SLAMF9: variants seen among roughly 807,000 people sequenced by gnomAD.
SLAMF9 encodes the protein CD2 family member 10.
In SLAMF9, 25 loss-of-function variants were observed where a neutral mutation model predicts 30.4. The observed-to-expected ratio is 0.82, with a 90% confidence interval of 0.60 to 1.15. SLAMF9 has a LOEUF of 1.15. Among genes scored for constraint, SLAMF9 ranks in the 50% most tolerant of loss-of-function variants. The pLI is 0.00. For synonymous variants in SLAMF9, 129 were observed against 127.2 expected (o/e 1.01, Z -0.09); for missense variants, 344 against 346.1 (o/e 0.99, Z 0.05).
At chr1:159,966,202 A>G in the SLAMF9 span, among the ~76,000 whole-genome samples, 8 of 152,296 alleles carry the variant, frequency 5.3e-5, no homozygotes, top group East Asian at 1.5e-3. Flanking sequence ...AAGATCATGC[A>G]GTATTTACCT....
chr1:159,962,905 A>G, the SLAMF9 span, among the ~76,000 whole-genome samples: 1 of 152,180 alleles, frequency 6.6e-6, no homozygotes, highest in East Asian at 1.9e-4. Flanking sequence ...AGGATAAGTT[A>G]TGGTTACCCT....
upstream of SLAMF9, among the ~76,000 whole-genome samples, chr1:159,956,718 A>G (rs12740563): frequency 0.024 from 3,642 of 152,276 alleles, 65 homozygotes; most frequent in South Asian, 0.065. Flanking sequence ...AGGAAATGCT[A>G]CCATTTACAA....
chr1:159,964,310 A>G, the SLAMF9 span, among the ~76,000 whole-genome samples: 2 of 152,126 alleles, frequency 1.3e-5, no homozygotes, highest in African/African-American at 4.8e-5. Flanking sequence ...CCCTAAGTAA[A>G]GCCATGAAAC....
the SLAMF9 span, among the ~76,000 whole-genome samples, chr1:159,960,139 A>G: frequency 6.7e-6 from 1 of 149,244 alleles, no homozygotes; most frequent in Middle Eastern, 3.5e-3. Context: ...AGCATTAGGT[A>G]TATCTCCTAA....
the SLAMF9 span, among the ~76,000 whole-genome samples, chr1:159,981,652 T>G: frequency 6.6e-6 from 1 of 152,348 alleles, no homozygotes; most frequent in East Asian, 1.9e-4. Flanking sequence ...TCAGGGAGTG[T>G]GCTCAGGTCT....
At chr1:159,957,849 A>G (rs1016766374), upstream of SLAMF9, among the ~76,000 whole-genome samples, 3 of 133,428 alleles carry the variant, frequency 2.2e-5, no homozygotes, top group South Asian at 2.7e-4. Flanking sequence ...CATGAGTATA[A>G]TGCTCAGAGC....
chr1:159,964,619 A>C, the SLAMF9 span, among the ~76,000 whole-genome samples: 6 of 152,370 alleles, frequency 3.9e-5, no homozygotes, highest in African/African-American at 1.4e-4. Flanking sequence ...AACAAACAGC[A>C]AACAAAAACC....
At chr1:159,960,261 C>T in the SLAMF9 span, among the ~76,000 whole-genome samples, 5 of 145,220 alleles carry the variant, frequency 3.4e-5, no homozygotes, top group African/African-American at 1.0e-4. Flanking sequence ...TGAGAACAGG[C>T]GGTGTTTGGT....
chr1:159,972,876 C>T, the SLAMF9 span: 24 of 986,710 alleles, frequency 2.4e-5, no homozygotes, highest in East Asian at 6.0e-4. Flanking sequence ...TCAGCCTGAC[C>T]ACCCAAGACC....
At chr1:159,974,170 G>C in the SLAMF9 span, 2 of 779,420 alleles carry the variant, frequency 2.6e-6, no homozygotes, top group East Asian at 5.0e-5. Flanking sequence ...GAGGCCCTTG[G>C]ATGGTACCGG....
At chr1:159,973,886 G>C in the SLAMF9 span, 1 of 1,612,150 alleles carries the variant, frequency 6.2e-7, no homozygotes, top group Non-Finnish European at 8.5e-7. Flanking sequence ...ACTGGCCACG[G>C]CTCTGCATTG....
chr1:159,967,749 C>T, the SLAMF9 span, among the ~76,000 whole-genome samples: 20 of 152,160 alleles, frequency 1.3e-4, no homozygotes, highest in African/African-American at 3.9e-4. Context: ...AATATCTTGC[C>T]GTTTATGTGT....
At chr1:159,964,931 G>C in the SLAMF9 span, among the ~76,000 whole-genome samples, 1 of 152,164 alleles carries the variant, frequency 6.6e-6, no homozygotes, top group Non-Finnish European at 1.5e-5. Context: ...CCACCCAGAC[G>C]GGTCTGCACA....
intron 2 of SLAMF9, among the ~76,000 whole-genome samples, chr1:159,952,809 C>T (rs1427058756): frequency 1.3e-5 from 2 of 152,224 alleles, no homozygotes; most frequent in African/African-American, 4.8e-5. Flanking sequence ...CTCCAAACCC[C>T]ATTCTGTCTC....
chr1:159,964,167 C>G, the SLAMF9 span, among the ~76,000 whole-genome samples: 1 of 152,158 alleles, frequency 6.6e-6, no homozygotes, highest in African/African-American at 2.4e-5. Context: ...TTATCAAGGT[C>G]CCCCAGTGAT....
At chr1:159,976,661 T>C in the SLAMF9 span, 1 of 152,112 alleles carries the variant, frequency 6.6e-6, no homozygotes, top group Non-Finnish European at 1.5e-5. Flanking sequence ...AATAAACCTC[T>C]CTTTCTTGAA....
At chr1:159,973,690 T>C in the SLAMF9 span, 14 of 1,033,372 alleles carry the variant, frequency 1.4e-5, no homozygotes, top group Non-Finnish European at 1.9e-5. Context: ...TGGCCCAGCA[T>C]GAGGGGCAGC....
the SLAMF9 span, chr1:159,974,183 C>T: frequency 2.8e-6 from 2 of 707,974 alleles, no homozygotes; most frequent in Non-Finnish European, 4.9e-6. Context: ...GGTACCGGTG[C>T]AGTGTCACTG....
At chr1:159,973,928 C>T in the SLAMF9 span, 1 of 1,612,458 alleles carries the variant, frequency 6.2e-7, no homozygotes, top group Admixed American at 1.7e-5. Context: ...TCTGGTTTTC[C>T]TTAGAGAAAT....
Sources: allele counts gnomAD v4.1 joint callset (sites outside exome capture counted in the v4.1 genomes callset), GRCh38; gene constraint gnomAD v4.1.1; transcripts MANE v1.5; gene names NCBI Gene and HGNC (gene_info 2026-07-23, HGNC 2026-07-21).